The following DLK1 variants were observed in gnomAD, a reference collection of about 807,000 sequenced individuals.
DLK1 encodes the protein protein delta homolog 1.
Under a neutral mutation model 35.2 loss-of-function variants are expected in DLK1, and 9 were observed. That is an observed-to-expected ratio of 0.26 (90% confidence interval 0.15 to 0.45). DLK1 has a LOEUF of 0.45. Ranked by LOEUF, DLK1 falls within the 20% of genes least tolerant of loss-of-function variation. The pLI is 1.00. For missense variants in DLK1, 522 were observed against 528.5 expected (o/e 0.99, Z 0.12); for synonymous variants, 231 against 228.4 (o/e 1.01, Z -0.10).
chr14:100,732,271 T>TGCCTCCCTGGCTGG, intron 4 of DLK1, 88 bp downstream of exon 4: 2 of 1,521,172 alleles, frequency 1.3e-6, no homozygotes, highest in Non-Finnish European at 1.8e-6. Context: ...GCTGGACCTG[T>TGCCTCCCTGGCTGG]CGTCTGACAA....
At position 100,735,176 on chromosome 14, in the gene DLK1, C is replaced by A; in HGVS notation, c.*280C>A. On this transcript the variant is annotated 3_prime_UTR_variant, in exon 5 of 5. Coordinates refer to ENST00000341267, the MANE Select transcript of DLK1 (RefSeq NM_003836.7). The stretch of plus-strand genomic sequence containing the variant: ...TAAAATCTAAACTCAAATGAAATTT[C>A]AAAAAAGACCAAAAAAAAACAAGGC... 1 of 312,946 alleles carries A rather than the reference C, an allele frequency of 3.2e-6. No individual in the cohort carries two copies. The highest frequency in any genetic ancestry group is 5.6e-6 in the Non-Finnish European group (1 of 178,168). The allele number at this position is 312,946 out of a possible 1,614,324, so 19.4% of individuals were successfully genotyped here.
chr14:100,732,724 GC>G (rs1233515281), intron 4 of DLK1, among the ~76,000 whole-genome samples: 1 of 152,184 alleles, frequency 6.6e-6, no homozygotes, highest in African/African-American at 2.4e-5. Context: ...GGACTCCTGG[GC>G]AGCGGACATA....
At chr14:100,729,861 C>G (rs1034209863) in intron 3 of DLK1, among the ~76,000 whole-genome samples, 1 of 152,174 alleles carries the variant, frequency 6.6e-6, no homozygotes, top group African/African-American at 2.4e-5. Flanking sequence ...GGGCCCCTGT[C>G]CCTCAGTCCC....
chr14:100,729,562 A>C (rs2036484261), intron 3 of DLK1, among the ~76,000 whole-genome samples: 1 of 143,180 alleles, frequency 7.0e-6, no homozygotes. Context: ...AGTCAGGGCC[A>C]GGAGGACAGG....
chr14:100,736,779 C>T lies in DLK1; in HGVS notation c.*1883C>T, dbSNP rs1034344467. The T allele has an allele frequency of 6.6e-6, 1 of 152,308 alleles. No individual in the cohort carries two copies. Among genetic ancestry groups the T allele is most frequent in the African/African-American group, 2.4e-5 (1 of 41,198 alleles). The allele number at this position is 152,308 out of a possible 1,614,324, so 9.4% of individuals were successfully genotyped here. A position where few individuals can be genotyped will look rare whatever the true frequency, so the allele number is the denominator to read the frequency against. ...GAGTCCCACAGCACGCGTCCCCAGCCCCTCCCAGCCTCACCCCAAAAACCC... is the reference window on the plus strand; with the variant it reads ...GAGTCCCACAGCACGCGTCCCCAGCTCCTCCCAGCCTCACCCCAAAAACCC... On this transcript the variant is annotated 3_prime_UTR_variant, in exon 5 of 5. Coordinates refer to ENST00000341267, the MANE Select transcript of DLK1 (RefSeq NM_003836.7).
chr14:100,732,072 C>T lies in DLK1; in HGVS notation c.293C>T (p.Ala98Val). The change falls in exon 4 of 5, where the codon GCC (alanine) becomes GTC (valine). Residue 98 changes from alanine to valine, a missense_variant. Coordinates refer to ENST00000341267, the MANE Select transcript of DLK1 (RefSeq NM_003836.7). ...DVRACSSAPC[A>V]NNRTCVSLDD... Reference sequence around the variant, plus strand: ...CGGGCCTGCTCCTCGGCCCCCTGTGCCAACAACAGGACCTGCGTGAGCCTG... The same window carrying T: ...CGGGCCTGCTCCTCGGCCCCCTGTGTCAACAACAGGACCTGCGTGAGCCTG... 1 of 1,613,836 alleles carries T rather than the reference C, an allele frequency of 6.2e-7. No individual in the cohort carries two copies. Among genetic ancestry groups the T allele is most frequent in the Non-Finnish European group, 8.5e-7 (1 of 1,179,844 alleles).
At chr14:100,729,561 C>G (rs2036484225) in intron 3 of DLK1, among the ~76,000 whole-genome samples, 1 of 138,142 alleles carries the variant, frequency 7.2e-6, no homozygotes, top group African/African-American at 2.8e-5. Context: ...GAGTCAGGGC[C>G]AGGAGGACAG....
rs1354436389 is a variant in DLK1 at position 100,732,023 on chromosome 14, C to T, written c.263-19C>T. The T allele has an allele frequency of 6.2e-7, 1 of 1,602,386 alleles. No individual in the cohort carries two copies. The highest frequency in any genetic ancestry group is 8.5e-7 in the Non-Finnish European group (1 of 1,173,568). The stretch of plus-strand genomic sequence containing the variant: ...TATGGAGAGGAAGCTAAGTTCTCGT[C>T]TTCCCCGTCACCCCGCAGATGTTCG... On this transcript the variant is annotated intron_variant, in intron 3 of 4. Coordinates refer to ENST00000341267, the MANE Select transcript of DLK1 (RefSeq NM_003836.7).
chr14:100,730,843 T>C (rs1262115440), intron 3 of DLK1, among the ~76,000 whole-genome samples: 4 of 152,140 alleles, frequency 2.6e-5, no homozygotes, highest in Non-Finnish European at 5.9e-5. Flanking sequence ...GGGTAGTCCA[T>C]CAACACAACG....
chr14:100,730,712 G>A (rs2036497134), intron 3 of DLK1, among the ~76,000 whole-genome samples: 1 of 152,240 alleles, frequency 6.6e-6, no homozygotes. Flanking sequence ...AGAGTCGGGT[G>A]CAGAGAATAA....
At chr14:100,731,181 C>T (rs1419894654) in intron 3 of DLK1, among the ~76,000 whole-genome samples, 1 of 152,188 alleles carries the variant, frequency 6.6e-6, no homozygotes, top group Non-Finnish European at 1.5e-5. Flanking sequence ...AGGCCGGATA[C>T]AGGGCAGGAC....
intron 4 of DLK1, among the ~76,000 whole-genome samples, chr14:100,732,493 C>T (rs983272014): frequency 6.6e-6 from 1 of 152,196 alleles, no homozygotes; most frequent in African/African-American, 2.4e-5. Context: ...CTAAAGGCAA[C>T]GTAGTAAAAG....
chr14:100,737,455 G>A lies in DLK1; in HGVS notation c.*2559G>A, dbSNP rs896288718. The A allele has an allele frequency of 2.6e-5, 4 of 151,912 alleles. No homozygotes were observed. Among genetic ancestry groups the A allele is most frequent in the African/African-American group, 9.7e-5 (4 of 41,368 alleles). 9.4% of individuals were successfully genotyped at this position (151,912 alleles called of 1,614,324 possible). ...AGATGATCAAATTATCTATGTTTTC[G>A]ATCTTGATGCTATAGAGAACAGCCA... On this transcript the variant is annotated 3_prime_UTR_variant, in exon 5 of 5. Coordinates refer to ENST00000341267, the MANE Select transcript of DLK1 (RefSeq NM_003836.7).
chr14:100,728,087 GT>G (rs1158468530), intron 1 of DLK1, among the ~76,000 whole-genome samples: 1 of 152,210 alleles, frequency 6.6e-6, no homozygotes, highest in African/African-American at 2.4e-5. Context: ...CGTCCCCGCT[GT>G]TAGGAGGACT....
Position 100,734,539 on chromosome 14 carries a change from C to T in DLK1, c.795C>T (p.Ala265=). 8 of 1,612,618 alleles carry T rather than the reference C, an allele frequency of 5.0e-6. No homozygotes were observed. The highest frequency in any genetic ancestry group is 1.7e-5 in the Admixed American group (1 of 59,958). ...VTRLPSGYGL[A]YRLTPGVHEL... ...GTCTGCCCAGCGGCTATGGGCTGGCCTACCGCCTGACCCCTGGGGTGCACG... is the reference window on the plus strand; with the variant it reads ...GTCTGCCCAGCGGCTATGGGCTGGCTTACCGCCTGACCCCTGGGGTGCACG... Residue 265 remains alanine (A), a synonymous_variant, in exon 5 of 5, where the codon GCC becomes GCT. Coordinates refer to ENST00000341267, the MANE Select transcript of DLK1 (RefSeq NM_003836.7). This position sits in a 1 kb window ranked among gnomAD's most constrained non-coding sequence, Gnocchi z 7.4.
intron 3 of DLK1, 92 bp from the exon 4 acceptor site, chr14:100,731,950 G>A: frequency 6.8e-7 from 1 of 1,465,010 alleles, no homozygotes; most frequent in East Asian, 2.4e-5. Flanking sequence ...CCCACTCGGT[G>A]GCCATAGAGC....
In DLK1 at chr14:100,734,576, C is replaced by T; in HGVS notation, c.832C>T (p.Gln278Ter). Residue 278 changes from glutamine to a stop codon, truncating the protein, a stop_gained, in exon 5 of 5, where the codon CAG becomes TAG. Transcript: ENST00000341267. LOFTEE classifies it high-confidence loss of function. This position sits in a 1 kb window ranked among gnomAD's most constrained non-coding sequence, Gnocchi z 7.4. The stretch of plus-strand genomic sequence containing the variant: ...CCCTGGGGTGCACGAGCTGCCGGTG[C>T]AGCAGCCGGAGCACCGCATCCTGAA... Reference protein sequence around the residue: ...LTPGVHELPVQQPEHRILKVS... With the variant: ...LTPGVHELPV The T allele has an allele frequency of 1.2e-6, 2 of 1,613,614 alleles. No homozygotes were observed. The highest frequency in any genetic ancestry group is 1.7e-6 in the Non-Finnish European group (2 of 1,179,990).
Position 100,726,920 on chromosome 14 carries a change from G to T in DLK1, c.-149G>T. ...AGCTCCCCGGCAGCGGCGGTGGAGA[G>T]CGCAGCGCGCAGCCCGGTGCAGCCC... On this transcript the variant is annotated 5_prime_UTR_variant, in exon 1 of 5. Coordinates refer to ENST00000341267, the MANE Select transcript of DLK1 (RefSeq NM_003836.7). The surrounding 1 kb of genome is among the most constrained non-coding windows in gnomAD (Gnocchi z 4.2). 4 of 639,000 alleles carry T rather than the reference G, an allele frequency of 6.3e-6. No individual in the cohort carries two copies. Among genetic ancestry groups the T allele is most frequent in the Non-Finnish European group, 8.8e-6 (4 of 456,552 alleles). 39.6% of individuals were successfully genotyped at this position (639,000 alleles called of 1,614,324 possible). A position where few individuals can be genotyped will look rare whatever the true frequency, so the allele number is the denominator to read the frequency against.
chr14:100,728,071 G>A (rs553539576), intron 1 of DLK1, among the ~76,000 whole-genome samples: 2 of 152,090 alleles, frequency 1.3e-5, no homozygotes, highest in South Asian at 4.1e-4. Context: ...TTCCCTCCAC[G>A]GTCCCCGTCC....
Sources: allele counts gnomAD v4.1 joint callset (sites outside exome capture counted in the v4.1 genomes callset), GRCh38; gene constraint gnomAD v4.1.1; non-coding constraint Gnocchi (gnomAD v3.1); transcripts MANE v1.5; gene names NCBI Gene and HGNC (gene_info 2026-07-23, HGNC 2026-07-21).